The following RAG1 variants were observed in gnomAD, a reference collection of about 807,000 sequenced individuals.
RAG1 encodes the protein recombination activating 1.
Under a neutral mutation model 62.7 loss-of-function variants are expected in RAG1, and 35 were observed. The observed-to-expected ratio is 0.56, with a 90% confidence interval of 0.43 to 0.74. The LOEUF is 0.74. Among genes scored for constraint, RAG1 ranks in the 30% least tolerant of loss-of-function variants. The pLI, the probability that RAG1 is intolerant of heterozygous loss-of-function variation, is 0.00. For synonymous variants in RAG1, 461 were observed against 470.3 expected, an observed-to-expected ratio of 0.98 and a Z score of 0.26; for missense variants, 1,169 against 1,278.6, an observed-to-expected ratio of 0.91 and a Z score of 1.31.
chr11:36,574,287 G>A lies in RAG1; in HGVS notation c.983G>A (p.Cys328Tyr), dbSNP rs121918571. The A allele has an allele frequency of 5.6e-6, 9 of 1,614,060 alleles. No homozygotes were observed. Among genetic ancestry groups the A allele is most frequent in the Non-Finnish European group, 6.8e-6 (8 of 1,180,038 alleles). Residue 328 changes from cysteine to tyrosine, a missense_variant, in exon 2 of 2, where the codon TGT becomes TAT. Cys to Tyr is a radical substitution (Grantham distance 194). This residue lies in a region of RAG1 where 800 missense variants were observed against 943.3 expected (regional missense o/e 0.85). Coordinates refer to ENST00000299440, the MANE Select transcript of RAG1 (RefSeq NM_000448.3). ...TGCCTCAAAGTCATGGGCAGCTATTGTCCCTCTTGCCGATATCCATGCTTC... is the reference window on the plus strand; with the variant it reads ...TGCCTCAAAGTCATGGGCAGCTATTATCCCTCTTGCCGATATCCATGCTTC... Reference protein sequence around the residue: ...LRCLKVMGSYCPSCRYPCFPT... With the variant: ...LRCLKVMGSYYPSCRYPCFPT...
upstream of RAG1, among the ~76,000 whole-genome samples, chr11:36,564,846 T>C (rs145640682): frequency 2.6e-5 from 4 of 152,296 alleles, no homozygotes; most frequent in Admixed American, 2.0e-4. Flanking sequence ...AAGGTTCTGC[T>C]CCATTGCCAG....
At chr11:36,532,758 A>T (rs983421850) in intron 2 of RAG1, among the ~76,000 whole-genome samples, 6 of 152,168 alleles carry the variant, frequency 3.9e-5, no homozygotes, top group African/African-American at 1.4e-4. Context: ...TGAGTTTAAA[A>T]GATCTCAAGA....
intron 2 of RAG1, among the ~76,000 whole-genome samples, chr11:36,531,127 A>G (rs1488377442): frequency 1.3e-5 from 2 of 151,764 alleles, no homozygotes; most frequent in East Asian, 3.9e-4. Flanking sequence ...CATCTATTTT[A>G]TCTGCTATTA....
At chr11:36,535,074 A>G (rs1157991477) in intron 2 of RAG1, among the ~76,000 whole-genome samples, 1 of 152,184 alleles carries the variant, frequency 6.6e-6, no homozygotes, top group African/African-American at 2.4e-5. Flanking sequence ...GTCATTTTGG[A>G]ATGTATCAAG....
chr11:36,531,240 T>C (rs1160755488), intron 2 of RAG1, among the ~76,000 whole-genome samples: 1 of 151,980 alleles, frequency 6.6e-6, no homozygotes, highest in Non-Finnish European at 1.5e-5. Context: ...GAAATGGGTT[T>C]CATATGGACA....
Position 36,575,031 on chromosome 11 carries a change from A to T in RAG1, c.1727A>T (p.Asp576Val), listed in dbSNP as rs142333735. 6 of 1,613,998 alleles carry T rather than the reference A, an allele frequency of 3.7e-6. No individual in the cohort carries two copies. In the African/African-American group the frequency reaches 8.0e-5, roughly 22 times the overall value. ...TCTGCTTTGATGGACATGGAAGAAG[A>T]CATCTTGGAAGGCATGAGATCCCAA... Reference protein sequence around the residue: ...LVSALMDMEEDILEGMRSQDL... With the variant: ...LVSALMDMEEVILEGMRSQDL... Residue 576 changes from aspartate (D) to valine (V), a missense_variant, in exon 2 of 2, where the codon GAC (aspartate) becomes GTC (valine). Physicochemically the swap from Asp to Val is radical, Grantham distance 152 (BLOSUM62 -3). Around this residue, in one of 2 missense-constraint regions of RAG1, gnomAD observed 800 missense variants for 943.3 expected, o/e 0.85. Transcript: ENST00000299440. The surrounding 1 kb of genome is among the most constrained non-coding windows in gnomAD (Gnocchi z 4.1).
chr11:36,513,003 C>T lies in RAG1; in HGVS notation n.330+1965C>T, dbSNP rs73451205. ...GGGACCTAATGAGAGGCATTTGGGT[C>T]GTGGAAGGACACTCTTCATGAATGG... On this transcript the variant is annotated intron_variant and non_coding_transcript_variant, in intron 1 of 2. Transcript: ENST00000529126. 2.0e-3 allele frequency among the ~76,000 whole-genome samples: 311 copies of T among 152,226 alleles called. 1 individual carries two copies. The highest frequency in any genetic ancestry group is 6.4e-3 in the African/African-American group (266 of 41,514).
intron 1 of RAG1, among the ~76,000 whole-genome samples, chr11:36,511,571 CT>C (rs1439498206): frequency 6.6e-6 from 1 of 152,214 alleles, no homozygotes; most frequent in African/African-American, 2.4e-5. Flanking sequence ...AAATGCTTCT[CT>C]TTTTAAGAAG....
intron 2 of RAG1, among the ~76,000 whole-genome samples, chr11:36,525,088 C>G (rs1160769987): frequency 6.6e-6 from 1 of 150,878 alleles, no homozygotes; most frequent in Non-Finnish European, 1.5e-5. Flanking sequence ...ATCCCTTCCC[C>G]TCTTTCTGTC....
chr11:36,575,092 G>C lies in RAG1; in HGVS notation c.1788G>C (p.Val596=). ...LDDYLNGPFT[V]VVKESCDGMG... is the part of the protein sequence containing the mutation. ...ATTACCTGAATGGCCCCTTCACTGTGGTGGTGAAGGAGTCTTGTGATGGAA... is the reference window on the plus strand; with the variant it reads ...ATTACCTGAATGGCCCCTTCACTGTCGTGGTGAAGGAGTCTTGTGATGGAA... Residue 596 remains valine, a synonymous_variant, in exon 2 of 2, where the codon GTG becomes GTC. Transcript: ENST00000299440. The surrounding 1 kb of genome is among the most constrained non-coding windows in gnomAD (Gnocchi z 4.1). 2 of 1,614,188 alleles carry C rather than the reference G, an allele frequency of 1.2e-6. No homozygotes were observed. Among genetic ancestry groups the C allele is most frequent in the South Asian group, 1.1e-5 (1 of 91,074 alleles).
chr11:36,565,805 T>C (rs145610899), upstream of RAG1: 5 of 152,274 alleles, frequency 3.3e-5, no homozygotes, highest in East Asian at 7.7e-4. Context: ...TACTTCTCAA[T>C]AGGAGACAAG....
At chr11:36,562,200 G>C (rs1202198290) in intron 3 of RAG1, among the ~76,000 whole-genome samples, 1 of 152,158 alleles carries the variant, frequency 6.6e-6, no homozygotes, top group Non-Finnish European at 1.5e-5. Context: ...AGGATTTAGA[G>C]GAAGAGATAA....
chr11:36,539,408 T>TA (rs1860380248), downstream of RAG1, among the ~76,000 whole-genome samples: 1 of 152,208 alleles, frequency 6.6e-6, no homozygotes, highest in South Asian at 2.1e-4. Flanking sequence ...CCTAGGTGAC[T>TA]AATATAGACT....
chr11:36,559,770 T>C (rs1850555223), intron 3 of RAG1, among the ~76,000 whole-genome samples: 1 of 152,174 alleles, frequency 6.6e-6, no homozygotes, highest in African/African-American at 2.4e-5. Flanking sequence ...TCTTGAATTG[T>C]TTTTCTGATT....
intron 2 of RAG1, among the ~76,000 whole-genome samples, chr11:36,532,583 C>T (rs1307666207): frequency 3.3e-5 from 5 of 152,052 alleles, no homozygotes; most frequent in Non-Finnish European, 7.4e-5. Context: ...TTAACCGTGG[C>T]CCAAAAATAT....
chr11:36,575,604 C>G lies in RAG1; in HGVS notation c.2300C>G (p.Pro767Arg), dbSNP rs1469886045. 6.2e-7 allele frequency: 1 copy of G among 1,614,222 alleles called. No individual in the cohort carries two copies. ...LERYEVWRSN[P>R]YHESVEELRD... ...CGTTATGAGGTCTGGCGTTCCAACC[C>G]TTACCATGAGTCTGTGGAAGAACTG... is the stretch of plus-strand genomic sequence containing the variant. The change falls in exon 2 of 2, where the codon CCT becomes CGT. Residue 767 changes from proline (P) to arginine (R), a missense_variant. Pro to Arg is a moderately radical substitution (Grantham distance 103). Transcript: ENST00000299440. This position sits in a 1 kb window ranked among gnomAD's most constrained non-coding sequence, Gnocchi z 4.1.
chr11:36,573,548 A>G lies in RAG1; in HGVS notation c.244A>G (p.Lys82Glu). ...GCCAGTCCCAACTCAGCCATTGTTA[A>G]AAGCCCACCCTAAGTTTTCAAAGAA... Reference protein sequence around the residue: ...QKPVPTQPLLKAHPKFSKKFH... With the variant: ...QKPVPTQPLLEAHPKFSKKFH... Residue 82 changes from lysine to glutamate, a missense_variant, in exon 2 of 2, where the codon AAA becomes GAA. Physicochemically the swap from Lys to Glu is moderately conservative, Grantham distance 56. Around this residue, in one of 2 missense-constraint regions of RAG1, gnomAD observed 369 missense variants for 335.3 expected, o/e 1.10. Coordinates refer to ENST00000299440, the MANE Select transcript of RAG1 (RefSeq NM_000448.3). The G allele has an allele frequency of 6.2e-7, 1 of 1,614,194 alleles. No individual in the cohort carries two copies. The highest frequency in any genetic ancestry group is 8.5e-7 in the Non-Finnish European group (1 of 1,180,038).
intron 3 of RAG1, among the ~76,000 whole-genome samples, chr11:36,546,951 T>C (rs1444201113): frequency 2.6e-5 from 4 of 152,140 alleles, no homozygotes; most frequent in African/African-American, 9.7e-5. Context: ...CCTTCCCTTT[T>C]GTGGGTAATC....
At chr11:36,557,740 T>C (rs11033693) in intron 3 of RAG1, among the ~76,000 whole-genome samples, 57,050 of 152,122 alleles carry the variant, frequency 0.38, 14,707 homozygotes, top group African/African-American at 0.73. Context: ...CAATTCAACC[T>C]GTAACAATAA....
Sources: gnomAD v4.1 joint callset for allele counts (sites outside exome capture counted in the v4.1 genomes callset) on GRCh38, gnomAD v4.1.1 for gene constraint, gnomAD v4.1.1 regional missense constraint, Gnocchi (gnomAD v3.1) non-coding constraint, MANE v1.5 for transcripts, NCBI Gene and HGNC (gene_info 2026-07-23, HGNC 2026-07-21) for gene names.